The following JCAD variants were observed in gnomAD, a reference collection of about 807,000 sequenced individuals.
The protein encoded by JCAD is junctional cadherin 5-associated protein.
JCAD carries 40 observed loss-of-function variants against 98.0 expected under a neutral mutation model. That is an observed-to-expected ratio of 0.41 (90% CI 0.32 to 0.53). JCAD has a LOEUF of 0.53. Ranked by LOEUF, JCAD falls within the 20% of genes least tolerant of loss-of-function variation. The pLI is 0.31. For missense variants in JCAD, 1,705 were observed against 1,738.1 expected, an observed-to-expected ratio of 0.98 and a Z score of 0.34; for synonymous variants, 691 against 682.3, an observed-to-expected ratio of 1.01 and a Z score of -0.20.
rs79822295 is a variant in JCAD at position 30,095,779 on chromosome 10, A to G, written n.128+19588T>C. On this transcript the variant is annotated intron_variant and non_coding_transcript_variant, in intron 1 of 2. Coordinates refer to the JCAD transcript ENST00000465712. ...TGAGGTTAGCAGCTGAGTTCCCCAG[A>G]GGGGAAGCCTTAGAGCCTTCTATAA... 7.7e-3 allele frequency among the ~76,000 whole-genome samples: 1,176 copies of G among 152,332 alleles called. 4 individuals are homozygous for G. The highest frequency in any genetic ancestry group is 0.02 in the Middle Eastern group (6 of 294).
At chr10:30,048,756 C>A (rs1361134960) in intron 1 of JCAD, among the ~76,000 whole-genome samples, 1 of 152,012 alleles carries the variant, frequency 6.6e-6, no homozygotes, top group Non-Finnish European at 1.5e-5. Context: ...TTTGCAGAGA[C>A]AGGGTTTCAC....
chr10:30,063,243 C>T (rs932951545), upstream of JCAD, among the ~76,000 whole-genome samples: 2 of 152,136 alleles, frequency 1.3e-5, no homozygotes, highest in African/African-American at 4.8e-5. Flanking sequence ...CTGGCACAGC[C>T]CTGGGAGCAT....
intron 1 of JCAD, among the ~76,000 whole-genome samples, chr10:30,051,293 C>A (rs1318546979): frequency 6.7e-6 from 1 of 149,442 alleles, no homozygotes; most frequent in African/African-American, 2.4e-5. Context: ...CGCACACACA[C>A]ACACACACAC....
intron 1 of JCAD, chr10:30,069,914 A>T (rs1437720887): frequency 6.6e-6 from 1 of 152,186 alleles, no homozygotes; most frequent in Non-Finnish European, 1.5e-5. Context: ...TGGGAGTTTT[A>T]TGTTTGCTTT....
At position 30,029,073 on chromosome 10, in the gene JCAD, C is replaced by G. The variant is rs1467703593; in HGVS notation, c.1075G>C (p.Glu359Gln). Residue 359 changes from glutamate (E) to glutamine (Q), a missense_variant, in exon 3 of 4, where the codon GAA becomes CAA. By Grantham distance (29) the Glu-to-Gln change is conservative. This residue lies in a region of JCAD where 275 missense variants were observed against 346.9 expected (regional missense o/e 0.79). Transcript: ENST00000375377. Reference sequence around the variant, plus strand: ...CACACATTTATGGGCACCGTGTCTTCCAAGTAGGGGTTTGGGATGTTCTGC... The same window carrying G: ...CACACATTTATGGGCACCGTGTCTTGCAAGTAGGGGTTTGGGATGTTCTGC... Reference protein sequence around the residue: ...PPQNIPNPYLEDTVPINVCGG... With the variant: ...PPQNIPNPYLQDTVPINVCGG... The G allele has an allele frequency of 1.2e-6, 2 of 1,613,998 alleles. No individual in the cohort carries two copies. Among genetic ancestry groups the G allele is most frequent in the Non-Finnish European group, 1.7e-6 (2 of 1,180,046 alleles).
At chr10:30,066,760 C>T (rs61841131) in intron 2 of JCAD, among the ~76,000 whole-genome samples, 4,999 of 152,284 alleles carry the variant, frequency 0.033, 102 homozygotes, top group Non-Finnish European at 0.049. Context: ...GGCTGGGCTC[C>T]GTGGCTCACA....
At position 30,028,276 on chromosome 10, in the gene JCAD, C is replaced by T. The variant is rs1564443873; in HGVS notation, c.1872G>A (p.Leu624=). 3 of 1,614,228 alleles carry T rather than the reference C, an allele frequency of 1.9e-6. No homozygotes were observed. Among genetic ancestry groups the T allele is most frequent in the Non-Finnish European group, 1.7e-6 (2 of 1,180,046 alleles). Residue 624 remains leucine (L), a synonymous_variant, in exon 3 of 4, where the codon CTG becomes CTA. Coordinates refer to ENST00000375377, the MANE Select transcript of JCAD (RefSeq NM_020848.4). ...DKSPALQEQS[L]LSMSSTDLEL... is the part of the protein sequence containing the mutation. ...CCAGGTCGGTGGAAGACATGCTCAG[C>T]AGACTCTGTTCTTGCAGAGCCGGGC...
intron 1 of JCAD, among the ~76,000 whole-genome samples, chr10:30,095,504 T>C (rs988535675): frequency 2.0e-5 from 3 of 152,240 alleles, no homozygotes; most frequent in African/African-American, 7.2e-5. Context: ...TCTTATCCCA[T>C]TGCTGAGCTT....
intron 1 of JCAD, among the ~76,000 whole-genome samples, chr10:30,102,807 TG>T (rs1314551106): frequency 6.6e-6 from 1 of 152,130 alleles, no homozygotes; most frequent in African/African-American, 2.4e-5. Flanking sequence ...CAGTTCCACA[TG>T]GCTGGGGAGG....
At chr10:30,079,977 T>C (rs1464282640) in intron 1 of JCAD, among the ~76,000 whole-genome samples, 1 of 152,170 alleles carries the variant, frequency 6.6e-6, no homozygotes, top group Non-Finnish European at 1.5e-5. Flanking sequence ...GCAAGAATGA[T>C]AAAGAATATC....
rs1396345755 is a variant in JCAD at position 30,029,800 on chromosome 10, C to G, written c.348G>C (p.Arg116=). ...HPPTGNDQAY[R]RRGRQEARSQ... ...TCCTGGCTTCTTGCCGTCCTCTTCT[C>G]CGGTAGGCTTGGTCGTTACCAGTCG... The change falls in exon 3 of 4, where the codon CGG becomes CGC. Residue 116 remains arginine (R), a synonymous_variant. Transcript: ENST00000375377. The G allele has an allele frequency of 6.2e-7, 1 of 1,614,096 alleles. No homozygotes were observed. Among genetic ancestry groups the G allele is most frequent in the African/African-American group, 1.3e-5 (1 of 74,932 alleles).
intron 1 of JCAD, among the ~76,000 whole-genome samples, chr10:30,076,772 AC>A (rs1837988331): frequency 6.6e-6 from 1 of 152,220 alleles, no homozygotes. Flanking sequence ...ACAGCCTGTT[AC>A]CTTCAACATC....
At position 30,027,548 on chromosome 10, in the gene JCAD, T is replaced by C. The variant is rs548561946; in HGVS notation, c.2600A>G (p.Gln867Arg). 4.0e-5 allele frequency: 64 copies of C among 1,613,774 alleles called. 1 individual carries two copies. The South Asian group carries it at 7.0e-4, about 18-fold the overall frequency. The change falls in exon 3 of 4, where the codon CAG becomes CGG. Residue 867 changes from glutamine to arginine, a missense_variant. Transcript: ENST00000375377. ...SSSEESEAEP[Q>R]QENRAHCRQE... The stretch of plus-strand genomic sequence containing the variant: ...TCTGCAGTGAGCACGGTTCTCCTGC[T>C]GCGGCTCCGCCTCACTCTCCTCACT...
chr10:30,089,513 C>CGTGTGCGT lies in JCAD; in HGVS notation n.129-19693_129-19692insACGCACAC, dbSNP rs145546334. ...GAGTGTGAAATGTGGATGCTTCTTCCGTGTGTGTGTGTGTGTGTGTGTGTG... is the reference window on the plus strand; with the variant it reads ...GAGTGTGAAATGTGGATGCTTCTTCCGTGTGCGTGTGTGTGTGTGTGTGTGTGTGTGTG... On this transcript the variant is annotated intron_variant and non_coding_transcript_variant, in intron 1 of 2. Coordinates refer to the JCAD transcript ENST00000465712. Among the ~76,000 whole-genome samples the CGTGTGCGT allele has an allele frequency of 4.9e-4, 70 of 143,036 alleles. 1 individual carries two copies. Among genetic ancestry groups the CGTGTGCGT allele is most frequent in the African/African-American group, 1.8e-3 (68 of 38,164 alleles). The allele number at this position is 143,036 out of a possible 152,430, so 93.8% of individuals were successfully genotyped here. A position where few individuals can be genotyped will look rare whatever the true frequency, so the allele number is the denominator to read the frequency against.
chr10:30,042,123 G>A (rs7077578), intron 2 of JCAD, among the ~76,000 whole-genome samples: 5,271 of 152,214 alleles, frequency 0.035, 326 homozygotes, highest in African/African-American at 0.12. Context: ...ATTTAGGAGC[G>A]GGCTAGCATC....
At chr10:30,058,584 G>C (rs1837631011) in intron 1 of JCAD, among the ~76,000 whole-genome samples, 1 of 152,206 alleles carries the variant, frequency 6.6e-6, no homozygotes, top group Non-Finnish European at 1.5e-5. Context: ...CTTCTTGACG[G>C]AAGCGAGAGG....
chr10:30,017,585 C>T lies in JCAD; in HGVS notation c.*298G>A. On this transcript the variant is annotated 3_prime_UTR_variant, in exon 4 of 4. Transcript: ENST00000375377. ...AATGAGAGCAACACCAAACTATTTACCAGCTTAGTCAAATCTGTCATGAGG... is the reference window on the plus strand; with the variant it reads ...AATGAGAGCAACACCAAACTATTTATCAGCTTAGTCAAATCTGTCATGAGG... 2.1e-6 allele frequency: 1 copy of T among 486,874 alleles called. No homozygotes were observed. Among genetic ancestry groups the T allele is most frequent in the Non-Finnish European group, 3.6e-6 (1 of 274,682 alleles). The allele number at this position is 486,874 out of a possible 1,614,324, so 30.2% of individuals were successfully genotyped here.
At chr10:30,037,725 C>T (rs1837144461) in intron 2 of JCAD, among the ~76,000 whole-genome samples, 1 of 151,910 alleles carries the variant, frequency 6.6e-6, no homozygotes, top group Admixed American at 6.6e-5. Context: ...TAAATTTGGA[C>T]ATTTGAAGAA....
intron 1 of JCAD, among the ~76,000 whole-genome samples, chr10:30,090,190 A>G (rs1838237416): frequency 6.6e-6 from 1 of 152,238 alleles, no homozygotes; most frequent in Non-Finnish European, 1.5e-5. Context: ...CAAGCTCCCA[A>G]ACGATCATGA....
Sources: gnomAD v4.1 joint callset for allele counts (sites outside exome capture counted in the v4.1 genomes callset) on GRCh38, gnomAD v4.1.1 for gene constraint, gnomAD v4.1.1 regional missense constraint, MANE v1.5 for transcripts, NCBI Gene and HGNC (gene_info 2026-07-23, HGNC 2026-07-21) for gene names.